KIDINS220: variants seen among roughly 807,000 people sequenced by gnomAD.
KIDINS220 encodes kinase D-interacting substrate of 220 kDa.
In KIDINS220, 63 loss-of-function variants were observed where a neutral mutation model predicts 157.6. That is an observed-to-expected ratio of 0.40 (90% confidence interval 0.33 to 0.49). KIDINS220 has a LOEUF of 0.49. Among genes scored for constraint, KIDINS220 ranks in the 20% least tolerant of loss-of-function variants. The pLI is 0.66. For missense variants in KIDINS220, 1,772 were observed against 2,171.2 expected (o/e 0.82, Z 3.65); for synonymous variants, 732 against 783.6 (o/e 0.93, Z 1.10).
chr2:8,782,521 T>C (rs1016513647), intron 17 of KIDINS220, among the ~76,000 whole-genome samples: 21 of 152,132 alleles, frequency 1.4e-4, no homozygotes, highest in African/African-American at 5.1e-4. Context: ...ATTGAAGAAA[T>C]TGCATCAATA....
At chr2:8,745,148 T>A (rs540292529) in intron 26 of KIDINS220, among the ~76,000 whole-genome samples, 21 of 152,364 alleles carry the variant, frequency 1.4e-4, no homozygotes, top group African/African-American at 4.8e-4. Context: ...AGCTACTATG[T>A]CAGCATGTCT....
intron 8 of KIDINS220, among the ~76,000 whole-genome samples, chr2:8,800,972 G>A (rs1014280946): frequency 3.9e-5 from 6 of 152,142 alleles, no homozygotes; most frequent in African/African-American, 1.4e-4. Context: ...ATTCAATTAA[G>A]GGAGAAAGTT....
chr2:8,820,471 TATA>T (rs1677776500), intron 2 of KIDINS220, among the ~76,000 whole-genome samples: 1 of 152,192 alleles, frequency 6.6e-6, no homozygotes, highest in African/African-American at 2.4e-5. Context: ...AGCAAATAGT[TATA>T]ATGATTACCA....
chr2:8,751,219 A>T (rs968452959), intron 23 of KIDINS220, among the ~76,000 whole-genome samples: 32 of 151,044 alleles, frequency 2.1e-4, no homozygotes, highest in Non-Finnish European at 4.1e-4. Context: ...GACAGGGATC[A>T]TAATAAAGTG....
chr2:8,822,629 A>G (rs1397657188), intron 2 of KIDINS220, among the ~76,000 whole-genome samples: 1 of 152,172 alleles, frequency 6.6e-6, no homozygotes, highest in Non-Finnish European at 1.5e-5. Flanking sequence ...CCTGTCTCAA[A>G]AAAAATAAAA....
chr2:8,770,469 TA>T (rs1670049601), intron 22 of KIDINS220, among the ~76,000 whole-genome samples, 200 bp downstream of exon 22: 1 of 152,098 alleles, frequency 6.6e-6, no homozygotes, highest in Non-Finnish European at 1.5e-5. Context: ...TTTGTCCAAA[TA>T]AAGTCATAGA....
At chr2:8,772,096 C>T (rs1174367234) in intron 21 of KIDINS220, among the ~76,000 whole-genome samples, 2 of 152,196 alleles carry the variant, frequency 1.3e-5, no homozygotes, top group East Asian at 3.9e-4. Flanking sequence ...GACATTCAGA[C>T]AAAAGGAACA....
In KIDINS220 at chr2:8,800,377, AACTGCACTGTAATCAC is replaced by A. The variant is rs1260061394; in HGVS notation, c.900+7_900+22del. The A allele has an allele frequency of 3.4e-6, 5 of 1,453,502 alleles. No homozygotes were observed. The highest frequency in any genetic ancestry group is 4.8e-6 in the Non-Finnish European group (5 of 1,044,544). The allele number at this position is 1,453,502 out of a possible 1,614,324, so 90.0% of individuals were successfully genotyped here. ...ACATGCAATTATACTCTAAGATAGC[AACTGCACTGTAATCAC>A]ACATACCTGTCCTCTAATGTCTATA... On this transcript the variant is annotated splice_region_variant and intron_variant, in intron 9 of 29. Transcript: ENST00000256707.
intron 22 of KIDINS220, 93 bp from the exon 23 acceptor site, chr2:8,751,737 C>T (rs1199861593): frequency 2.4e-6 from 2 of 847,238 alleles, no homozygotes; most frequent in Non-Finnish European, 3.6e-6. Context: ...ACAACAATTA[C>T]ACATCTTGGT....
chr2:8,789,457 T>C (rs1672885902), intron 14 of KIDINS220, among the ~76,000 whole-genome samples: 1 of 151,990 alleles, frequency 6.6e-6, no homozygotes, highest in African/African-American at 2.4e-5. Flanking sequence ...CCGGCTAATT[T>C]TTTTGTATAT....
intron 20 of KIDINS220, 145 bp downstream of exon 20, chr2:8,778,494 T>C (rs1214512185): frequency 4.3e-6 from 3 of 695,632 alleles, no homozygotes; most frequent in Non-Finnish European, 7.7e-6. Flanking sequence ...CTGAAACACA[T>C]GAAGCTGAAA....
chr2:8,751,348 G>C, intron 23 of KIDINS220, 118 bp downstream of exon 23: 1 of 723,050 alleles, frequency 1.4e-6, no homozygotes, highest in Non-Finnish European at 2.3e-6. Context: ...TCTGTGTAGT[G>C]CTTAGTTCAA....
rs1319666792 is a variant in KIDINS220, at chr2:8,733,307, C to G, written c.4053+137G>C. The stretch of plus-strand genomic sequence containing the variant: ...GATGCAGCTCCTTGAGTACAGGGAG[C>G]CCTCCATCTTGTCTCCTGTTCACTT... On this transcript the variant is annotated intron_variant, in intron 29 of 29. Coordinates refer to ENST00000256707, the MANE Select transcript of KIDINS220 (RefSeq NM_020738.4). The G allele has an allele frequency of 4.0e-6, 3 of 744,418 alleles. No homozygotes were observed. The East Asian group carries it at 7.8e-5, about 19-fold the overall frequency. The allele number at this position is 744,418 out of a possible 1,614,324, so 46.1% of individuals were successfully genotyped here. A position where few individuals can be genotyped will look rare whatever the true frequency, so the allele number is the denominator to read the frequency against.
chr2:8,750,528 A>G (rs1364737434), intron 23 of KIDINS220, among the ~76,000 whole-genome samples, 193 bp from the exon 24 acceptor site: 1 of 152,174 alleles, frequency 6.6e-6, no homozygotes, highest in African/African-American at 2.4e-5. Flanking sequence ...ATGCCCAGCT[A>G]CTTTGCAAAA....
chr2:8,786,871 T>A (rs755782822), intron 15 of KIDINS220, among the ~76,000 whole-genome samples: 10 of 152,252 alleles, frequency 6.6e-5, no homozygotes, highest in Non-Finnish European at 1.5e-4. Flanking sequence ...AGCTTCCACG[T>A]CTACCAGGGA....
intron 21 of KIDINS220, among the ~76,000 whole-genome samples, chr2:8,771,184 T>C (rs1315893266): frequency 6.6e-6 from 1 of 152,184 alleles, no homozygotes; most frequent in Admixed American, 6.5e-5. Context: ...TCACCCACAA[T>C]GGACCCCAAT....
chr2:8,801,610 T>G (rs1196618704), intron 8 of KIDINS220, among the ~76,000 whole-genome samples: 1 of 152,186 alleles, frequency 6.6e-6, no homozygotes, highest in Non-Finnish European at 1.5e-5. Flanking sequence ...TTCTAGAAAG[T>G]GACTACCAGG....
At chr2:8,819,372 A>G (rs969380378) in intron 2 of KIDINS220, among the ~76,000 whole-genome samples, 6 of 152,194 alleles carry the variant, frequency 3.9e-5, no homozygotes, top group African/African-American at 1.4e-4. Flanking sequence ...GAGTCACAGG[A>G]GTACAGAGAC....
chr2:8,822,101 T>C (rs1380700926), intron 2 of KIDINS220, among the ~76,000 whole-genome samples: 1 of 152,176 alleles, frequency 6.6e-6, no homozygotes, highest in East Asian at 1.9e-4. Flanking sequence ...ACTGAAATAC[T>C]GGACTTTATC....
Sources: gnomAD v4.1 joint callset for allele counts (sites outside exome capture counted in the v4.1 genomes callset) on GRCh38, gnomAD v4.1.1 for gene constraint, MANE v1.5 for transcripts, NCBI Gene and HGNC (gene_info 2026-07-23, HGNC 2026-07-21) for gene names.